The following ALDH8A1 variants were observed in gnomAD, a reference collection of about 807,000 sequenced individuals.
The protein encoded by ALDH8A1 is 2-aminomuconic semialdehyde dehydrogenase.
In ALDH8A1, 39 loss-of-function variants were observed where a neutral mutation model predicts 43.3. That is an observed-to-expected ratio of 0.90 (90% CI 0.70 to 1.18). The LOEUF (loss-of-function observed/expected upper bound fraction) is 1.18, where lower values mean the gene tolerates loss of function less well. Among genes scored for constraint, ALDH8A1 ranks in the 50% most tolerant of loss-of-function variants. ALDH8A1 has a pLI of 0.00. For missense variants in ALDH8A1, 605 were observed against 622.6 expected (o/e 0.97, Z 0.30); for synonymous variants, 233 against 243.5 (o/e 0.96, Z 0.40).
At chr6:134,932,313 A>G (rs2072825) in intron 5 of ALDH8A1, among the ~76,000 whole-genome samples, 101,518 of 152,016 alleles carry the variant, frequency 0.67, 34,212 homozygotes, top group East Asian at 0.75. Context: ...AATCCACGCC[A>G]AGAAATCTTC....
chr6:134,927,685 T>C (rs1389700912), intron 6 of ALDH8A1, among the ~76,000 whole-genome samples: 1 of 152,148 alleles, frequency 6.6e-6, no homozygotes, highest in Non-Finnish European at 1.5e-5. Flanking sequence ...AGAAAGAACT[T>C]TGAAATTCTG....
intron 6 of ALDH8A1, 59 bp downstream of exon 6, chr6:134,928,995 C>G (rs1562253272): frequency 6.3e-7 from 1 of 1,579,874 alleles, no homozygotes; most frequent in East Asian, 2.2e-5. Flanking sequence ...TATGCCTGTA[C>G]TGAGCTTCTC....
chr6:134,949,783 A>G (rs887822764), intron 1 of ALDH8A1, 133 bp downstream of exon 1: 3 of 1,031,488 alleles, frequency 2.9e-6, no homozygotes, highest in African/African-American at 3.3e-5. Context: ...TCTTCTGAGA[A>G]CTAGAATCTT....
At chr6:134,925,741 G>T (rs993679592) in intron 6 of ALDH8A1, among the ~76,000 whole-genome samples, 45 of 152,292 alleles carry the variant, frequency 3.0e-4, no homozygotes, top group Admixed American at 2.1e-3. Flanking sequence ...TCAGATGACA[G>T]TAAGAACCGT....
chr6:134,943,542 A>T (rs1444813180), intron 2 of ALDH8A1, among the ~76,000 whole-genome samples: 1 of 152,156 alleles, frequency 6.6e-6, no homozygotes, highest in East Asian at 1.9e-4. Flanking sequence ...TGCTGTATAT[A>T]TTTGCACTTC....
intron 6 of ALDH8A1, among the ~76,000 whole-genome samples, chr6:134,920,742 TG>T (rs34948319): frequency 0.048 from 7,235 of 152,156 alleles, 567 homozygotes; most frequent in African/African-American, 0.16. Flanking sequence ...CAATAAATTC[TG>T]GGGGGGAGAA....
intron 5 of ALDH8A1, among the ~76,000 whole-genome samples, chr6:134,930,213 A>G (rs1220755488): frequency 1.3e-5 from 2 of 152,192 alleles, no homozygotes; most frequent in Admixed American, 6.5e-5. Flanking sequence ...GTTCCCTGGA[A>G]GGGCAGACAC....
Position 134,932,943 on chromosome 6 carries a change from A to G in ALDH8A1, c.682T>C (p.Ser228Pro). Residue 228 changes from serine to proline, a missense_variant, in exon 5 of 7, where the codon TCC (serine) becomes CCC (proline). Transcript: ENST00000265605. ...GCGGTGGGCTGGCTCCCGGTGAAGG[A>G]GATCAGGGGCACCTCTGGGTGGGAC... ...LVSHPEVPLI[S>P]FTGSQPTAER... 1 of 1,614,030 alleles carries G rather than the reference A, an allele frequency of 6.2e-7. No individual in the cohort carries two copies. The highest frequency in any genetic ancestry group is 8.5e-7 in the Non-Finnish European group (1 of 1,179,992).
rs535690109 is a variant in ALDH8A1, at chr6:134,948,646, A to G, written c.138+1270T>C. On this transcript the variant is annotated intron_variant, in intron 1 of 6. Coordinates refer to ENST00000265605, the MANE Select transcript of ALDH8A1 (RefSeq NM_022568.4). Reference sequence around the variant, plus strand: ...GTGATGTTTTGGAAATTGGACATGCAGTTTGTATGGTAACCATATTTTTCA... The same window carrying G: ...GTGATGTTTTGGAAATTGGACATGCGGTTTGTATGGTAACCATATTTTTCA... Among the ~76,000 whole-genome samples, 586 of 152,348 alleles carry G rather than the reference A, an allele frequency of 3.8e-3. 3 individuals are homozygous for G. Among genetic ancestry groups the G allele is most frequent in the African/African-American group, 0.013 (525 of 41,584 alleles).
intron 4 of ALDH8A1, among the ~76,000 whole-genome samples, chr6:134,936,195 C>A (rs897405629): frequency 6.6e-6 from 1 of 152,248 alleles, no homozygotes; most frequent in Non-Finnish European, 1.5e-5. Flanking sequence ...AGGTGATCCA[C>A]CCACCTTGGC....
chr6:134,922,982 C>T (rs1305029510), intron 6 of ALDH8A1, among the ~76,000 whole-genome samples: 1 of 152,094 alleles, frequency 6.6e-6, no homozygotes, highest in Admixed American at 6.6e-5. Context: ...AACTCTCTGC[C>T]TTATCTTTGA....
At chr6:134,919,232 T>C (rs1183769405) in intron 6 of ALDH8A1, among the ~76,000 whole-genome samples, 1 of 152,194 alleles carries the variant, frequency 6.6e-6, no homozygotes, top group Non-Finnish European at 1.5e-5. Context: ...ATATGAATGG[T>C]TCATAGAGCT....
intron 6 of ALDH8A1, among the ~76,000 whole-genome samples, chr6:134,927,992 C>CT (rs1207262190): frequency 6.6e-6 from 1 of 152,152 alleles, no homozygotes; most frequent in Non-Finnish European, 1.5e-5. Context: ...AGACCACTGC[C>CT]TATGTACCTG....
At chr6:134,944,831 G>A (rs1220819068) in intron 1 of ALDH8A1, among the ~76,000 whole-genome samples, 1 of 151,788 alleles carries the variant, frequency 6.6e-6, no homozygotes, top group Non-Finnish European at 1.5e-5. Flanking sequence ...AGAAGCTGTA[G>A]TGAGCTGTAA....
intron 1 of ALDH8A1, among the ~76,000 whole-genome samples, chr6:134,945,502 A>C (rs1332897189): frequency 6.6e-6 from 1 of 152,220 alleles, no homozygotes; most frequent in Admixed American, 6.5e-5. Flanking sequence ...TTATGTAGAC[A>C]AAATAATTTT....
intron 6 of ALDH8A1, among the ~76,000 whole-genome samples, chr6:134,924,112 TG>T (rs1776848306): frequency 6.6e-6 from 1 of 152,154 alleles, no homozygotes; most frequent in Admixed American, 6.5e-5. Flanking sequence ...AGAACTTGCT[TG>T]ACAAAATCCA....
chr6:134,921,028 A>G (rs1776790156), intron 6 of ALDH8A1, among the ~76,000 whole-genome samples: 1 of 152,222 alleles, frequency 6.6e-6, no homozygotes, highest in Non-Finnish European at 1.5e-5. Context: ...TAAATAAAAT[A>G]ATAAATACAA....
At chr6:134,922,406 G>C (rs550426525) in intron 6 of ALDH8A1, among the ~76,000 whole-genome samples, 133 of 149,438 alleles carry the variant, frequency 8.9e-4, no homozygotes, top group Middle Eastern at 3.4e-3. Flanking sequence ...TTCTTTTTTT[G>C]AGACAGAGTC....
In ALDH8A1 at chr6:134,929,226, T is replaced by C. The variant is rs1027686847; in HGVS notation, c.850-11A>G. 1.2e-6 allele frequency: 2 copies of C among 1,613,382 alleles called. No individual in the cohort carries two copies. Among genetic ancestry groups the C allele is most frequent in the African/African-American group, 1.3e-5 (1 of 74,898 alleles). Reference sequence around the variant, plus strand: ...GAGACAGATTTCACCCTGCCAAGAATGAGAACAGGGATAAGGCTGCGGACA... The same window carrying C: ...GAGACAGATTTCACCCTGCCAAGAACGAGAACAGGGATAAGGCTGCGGACA... On this transcript the variant is annotated splice_polypyrimidine_tract_variant and intron_variant, in intron 5 of 6. Transcript: ENST00000265605.
Sources: gnomAD v4.1 joint callset for allele counts (sites outside exome capture counted in the v4.1 genomes callset) on GRCh38, gnomAD v4.1.1 for gene constraint, MANE v1.5 for transcripts, NCBI Gene and HGNC (gene_info 2026-07-23, HGNC 2026-07-21) for gene names.